CEP152: variants seen among roughly 807,000 people sequenced by gnomAD.
CEP152 encodes centrosomal protein of 152 kDa.
Under a neutral mutation model 188.9 loss-of-function variants are expected in CEP152, and 132 were observed. The observed-to-expected ratio is 0.70, with a 90% CI of 0.61 to 0.81. The LOEUF (loss-of-function observed/expected upper bound fraction) is 0.81. Among genes scored for constraint, CEP152 ranks in the 30% least tolerant of loss-of-function variants. The pLI, the probability that CEP152 is intolerant of heterozygous loss-of-function variation, is 0.00. For missense variants in CEP152, 1,914 were observed against 1,969.8 expected, an observed-to-expected ratio of 0.97 and a Z score of 0.54; for synonymous variants, 649 against 666.6, an observed-to-expected ratio of 0.97 and a Z score of 0.41.
rs1166176506 is a variant in CEP152, at chr15:48,741,720, G to A, written c.3990-16C>T. ...TTTCTCAGCCCTGTGGGGAATTCCA[G>A]AATATTAAAAATATAGTTTAAAGGA... On this transcript the variant is annotated splice_polypyrimidine_tract_variant and intron_variant, in intron 25 of 26. Coordinates refer to ENST00000380950, the MANE Select transcript of CEP152 (RefSeq NM_001194998.2). The A allele has an allele frequency of 1.2e-6, 2 of 1,613,836 alleles. No homozygotes were observed. Among genetic ancestry groups the A allele is most frequent in the Non-Finnish European group, 1.7e-6 (2 of 1,179,990 alleles).
At chr15:48,739,353 G>A (rs1335563119) in intron 26 of CEP152, 65 bp from the exon 27 acceptor site, 12 of 1,482,232 alleles carry the variant, frequency 8.1e-6, no homozygotes, top group African/African-American at 2.9e-5. Flanking sequence ...ATTCATCCTT[G>A]AACAAAAAAA....
chr15:48,749,556 A>G (rs115253967), intron 21 of CEP152, among the ~76,000 whole-genome samples: 2,610 of 152,202 alleles, frequency 0.017, 81 homozygotes, highest in African/African-American at 0.06. Context: ...AATAAGACAT[A>G]TGGACACCAC....
intron 6 of CEP152, among the ~76,000 whole-genome samples, chr15:48,795,555 T>C (rs915166918): frequency 1.6e-4 from 25 of 152,232 alleles, no homozygotes; most frequent in Non-Finnish European, 3.2e-4. Flanking sequence ...TCCTGTATGA[T>C]AGGCGAGGAT....
chr15:48,741,980 A>C lies in CEP152; in HGVS notation c.3956T>G (p.Leu1319Arg), dbSNP rs777009802. ...TCCATCATCCTGCAAAATCTGTTGGAGGCAAATCAAATAATATTTGCGCAT... is the reference window on the plus strand; with the variant it reads ...TCCATCATCCTGCAAAATCTGTTGGCGGCAAATCAAATAATATTTGCGCAT... ...RKMRKYYLIC[L>R]QQILQDDGKE... Residue 1319 changes from leucine (L) to arginine (R), a missense_variant, in exon 25 of 27, where the codon CTC becomes CGC. By Grantham distance (102) the Leu-to-Arg change is moderately radical. Coordinates refer to ENST00000380950, the MANE Select transcript of CEP152 (RefSeq NM_001194998.2). 6.2e-7 allele frequency: 1 copy of C among 1,614,174 alleles called. No homozygotes were observed. The highest frequency in any genetic ancestry group is 8.5e-7 in the Non-Finnish European group (1 of 1,180,020).
chr15:48,789,481 A>T (rs547859400), intron 8 of CEP152, among the ~76,000 whole-genome samples: 1 of 152,368 alleles, frequency 6.6e-6, no homozygotes, highest in East Asian at 1.9e-4. Context: ...TATTGTAGGC[A>T]AAATCATAGC....
intron 26 of CEP152, chr15:48,741,304 T>G (rs1892957112): frequency 1.7e-6 from 2 of 1,193,828 alleles, no homozygotes; most frequent in Non-Finnish European, 2.1e-6. Context: ...CCACTGCAAC[T>G]TTTTAAAACC....
At chr15:48,760,390 T>C in intron 18 of CEP152, 124 bp from the exon 19 acceptor site, 1 of 1,137,432 alleles carries the variant, frequency 8.8e-7, no homozygotes, top group Non-Finnish European at 1.3e-6. Context: ...AAAGTCAAAC[T>C]GACTGCAAGT....
chr15:48,741,288 C>A (rs1309756918), intron 26 of CEP152: 1 of 1,188,102 alleles, frequency 8.4e-7, no homozygotes, highest in African/African-American at 1.6e-5. Context: ...AGCCATGATG[C>A]CTGGCCCACT....
At chr15:48,763,301 C>T (rs1320271809) in intron 17 of CEP152, among the ~76,000 whole-genome samples, 1 of 152,200 alleles carries the variant, frequency 6.6e-6, no homozygotes, top group African/African-American at 2.4e-5. Context: ...TTCTGTTCAC[C>T]ACCTGGGTAT....
At chr15:48,733,222 T>C (rs190323497), downstream of CEP152, among the ~76,000 whole-genome samples, 2 of 152,288 alleles carry the variant, frequency 1.3e-5, no homozygotes. Flanking sequence ...GTTCCCAATA[T>C]AAAGAAGGGG....
Sources: gnomAD v4.1 joint callset for allele counts (sites outside exome capture counted in the v4.1 genomes callset) on GRCh38, gnomAD v4.1.1 for gene constraint, MANE v1.5 for transcripts, NCBI Gene and HGNC (gene_info 2026-07-23, HGNC 2026-07-21) for gene names.